TPX2: variants seen among roughly 807,000 people sequenced by gnomAD.
TPX2 encodes targeting protein for Xklp2.
TPX2 carries 21 observed loss-of-function variants against 93.6 expected under a neutral mutation model. That is an observed-to-expected ratio of 0.22 (90% CI 0.16 to 0.32). The LOEUF (loss-of-function observed/expected upper bound fraction) is 0.32. Ranked by LOEUF, TPX2 falls within the 10% of genes least tolerant of loss-of-function variation. TPX2 has a pLI of 1.00. For synonymous variants in TPX2, 281 were observed against 298.3 expected (o/e 0.94, Z 0.60); for missense variants, 776 against 871.1 (o/e 0.89, Z 1.37).
At chr20:31,785,618 C>T (rs950934325) in intron 12 of TPX2, among the ~76,000 whole-genome samples, 1 of 152,114 alleles carries the variant, frequency 6.6e-6, no homozygotes, top group Non-Finnish European at 1.5e-5. Context: ...CCACCTTAGC[C>T]TCCCGAGTAG....
At chr20:31,778,714 A>C (rs1600382060) in intron 9 of TPX2, 99 bp from the exon 10 acceptor site, 6 of 1,111,782 alleles carry the variant, frequency 5.4e-6, no homozygotes, top group Non-Finnish European at 7.6e-6. Flanking sequence ...GGTTTTACAC[A>C]GGCCTTTTTT....
chr20:31,767,093 C>T (rs1029849185), intron 5 of TPX2, among the ~76,000 whole-genome samples: 30 of 152,004 alleles, frequency 2.0e-4, no homozygotes, highest in African/African-American at 5.6e-4. Flanking sequence ...TGAGCTACTG[C>T]GCCCAGCTAT....
chr20:31,753,814 T>G (rs914556192), intron 2 of TPX2, among the ~76,000 whole-genome samples: 7 of 152,010 alleles, frequency 4.6e-5, no homozygotes, highest in Non-Finnish European at 1.0e-4. Context: ...TCACCTGAGG[T>G]CAGGAGTTCA....
In TPX2 at chr20:31,770,395, C is replaced by G; in HGVS notation, c.409C>G (p.His137Asp). 1 of 1,606,140 alleles carries G rather than the reference C, an allele frequency of 6.2e-7. No individual in the cohort carries two copies. The highest frequency in any genetic ancestry group is 1.1e-5 in the South Asian group (1 of 89,740). ...GGATTTGGAACAGAAAGAAAAGCAT[C>G]ATGTAAAAATGAAAGCCAAGAGATG... Reference protein sequence around the residue: ...QKDLEQKEKHHVKMKAKRCAT... With the variant: ...QKDLEQKEKHDVKMKAKRCAT... Residue 137 changes from histidine to aspartate, a missense_variant, in exon 6 of 18, where the codon CAT (histidine) becomes GAT (aspartate). Physicochemically the swap from His to Asp is moderately conservative, Grantham distance 81 (BLOSUM62 -1). Around this residue, in one of 3 missense-constraint regions of TPX2, gnomAD observed 279 missense variants for 261.6 expected, o/e 1.07. Transcript: ENST00000300403.
In TPX2 at chr20:31,739,552, G is replaced by A. The variant is rs931305230; in HGVS notation, c.-247G>A. The A allele has an allele frequency of 2.6e-5, 4 of 152,274 alleles. No individual in the cohort carries two copies. Among genetic ancestry groups the A allele is most frequent in the African/African-American group, 9.6e-5 (4 of 41,464 alleles). The allele number at this position is 152,274 out of a possible 1,614,324, so 9.4% of individuals were successfully genotyped here. ...CGGGCCACGCTTCTCTTGGCGACAGGATTTTGCTGTGAAGTCCGTCCGGGA... is the reference window on the plus strand; with the variant it reads ...CGGGCCACGCTTCTCTTGGCGACAGAATTTTGCTGTGAAGTCCGTCCGGGA... On this transcript the variant is annotated 5_prime_UTR_variant, in exon 1 of 18. Coordinates refer to ENST00000300403, the MANE Select transcript of TPX2 (RefSeq NM_012112.5).
chr20:31,777,262 T>A (rs1040687896), intron 8 of TPX2, among the ~76,000 whole-genome samples: 1 of 152,240 alleles, frequency 6.6e-6, no homozygotes, highest in Non-Finnish European at 1.5e-5. Flanking sequence ...TACTACTTTT[T>A]TTTAGTTTGC....
chr20:31,754,689 A>G (rs980049597), intron 2 of TPX2, among the ~76,000 whole-genome samples: 3 of 152,126 alleles, frequency 2.0e-5, no homozygotes, highest in African/African-American at 7.2e-5. Context: ...AGAATTATGG[A>G]TGTGTACAGA....
chr20:31,782,464 A>T, intron 11 of TPX2, 74 bp downstream of exon 11: 6 of 1,517,804 alleles, frequency 4.0e-6, no homozygotes, highest in Non-Finnish European at 5.3e-6. Context: ...TGTTAGGGTG[A>T]CAGTTGCTAT....
intron 5 of TPX2, 91 bp downstream of exon 5, chr20:31,766,773 G>A: frequency 2.4e-6 from 2 of 850,416 alleles, no homozygotes; most frequent in Non-Finnish European, 3.3e-6. Flanking sequence ...TCTATACTGT[G>A]TTTATGGACA....
In TPX2 at chr20:31,797,479, C is replaced by A; in HGVS notation, c.1909C>A (p.Pro637Thr). The change falls in exon 16 of 18, where the codon CCC becomes ACC. Residue 637 changes from proline to threonine, a missense_variant. Pro to Thr is a conservative substitution (Grantham distance 38, BLOSUM62 -1). This residue lies in a region of TPX2 where 461 missense variants were observed against 551.2 expected (regional missense o/e 0.84). Transcript: ENST00000300403. ...ARPNTVISQE[P>T]FVPKKEKKSV... ...TCCAAACACCGTCATCTCTCAGGAG[C>A]CCTTTGTTCCCAAGAAAGAGAAGAA... 1 of 1,614,008 alleles carries A rather than the reference C, an allele frequency of 6.2e-7. No individual in the cohort carries two copies. Among genetic ancestry groups the A allele is most frequent in the Non-Finnish European group, 8.5e-7 (1 of 1,179,948 alleles).
chr20:31,776,123 G>C lies in TPX2; in HGVS notation c.730+135G>C, dbSNP rs921982308. On this transcript the variant is annotated intron_variant, in intron 8 of 17. Transcript: ENST00000300403. ...GAGTCTCGCTCTGTCGCCCAGGCCGGACTGCGGACTGCAGTGGCGCAATCT... is the reference window on the plus strand; with the variant it reads ...GAGTCTCGCTCTGTCGCCCAGGCCGCACTGCGGACTGCAGTGGCGCAATCT... 1,122 of 888,504 alleles carry C rather than the reference G, an allele frequency of 1.3e-3. 1 individual carries two copies. Among genetic ancestry groups the C allele is most frequent in the Non-Finnish European group, 1.5e-3 (1,045 of 713,930 alleles). 55.0% of individuals were successfully genotyped at this position (888,504 alleles called of 1,614,324 possible).
At chr20:31,764,373 T>G (rs1347925627) in intron 4 of TPX2, among the ~76,000 whole-genome samples, 1 of 152,112 alleles carries the variant, frequency 6.6e-6, no homozygotes, top group Non-Finnish European at 1.5e-5. Context: ...TTTGCCATGT[T>G]GCCTAGGCTG....
intron 2 of TPX2, among the ~76,000 whole-genome samples, chr20:31,751,575 G>A (rs1001551337): frequency 1.3e-5 from 2 of 152,278 alleles, no homozygotes; most frequent in Admixed American, 1.3e-4. Context: ...CATAGCACTT[G>A]AAGTAGCTTC....
intron 10 of TPX2, among the ~76,000 whole-genome samples, chr20:31,779,748 G>A (rs1034449673): frequency 1.3e-5 from 2 of 152,184 alleles, no homozygotes; most frequent in African/African-American, 4.8e-5. Flanking sequence ...TCCCTGAGCA[G>A]GCAGGTATTG....
chr20:31,789,934 T>G (rs577401160), intron 12 of TPX2, among the ~76,000 whole-genome samples: 4 of 152,326 alleles, frequency 2.6e-5, no homozygotes, highest in South Asian at 4.1e-4. Flanking sequence ...CTTATTTCAA[T>G]TACTTTATTT....
rs564156943 is a variant in TPX2, at chr20:31,743,120, A to G, written c.-71+473A>G. On this transcript the variant is annotated intron_variant, in intron 2 of 17. Transcript: ENST00000300403. ...TCTCAGCTACTTGGGAGACTGAGGCAGGAGAATCCCTTGAACCCGGGAGGC... is the reference window on the plus strand; with the variant it reads ...TCTCAGCTACTTGGGAGACTGAGGCGGGAGAATCCCTTGAACCCGGGAGGC... Among the ~76,000 whole-genome samples, 10 of 152,310 alleles carry G rather than the reference A, an allele frequency of 6.6e-5. No individual in the cohort carries two copies. The South Asian group carries it at 1.2e-3, about 19-fold the overall frequency.
Position 31,777,520 on chromosome 20 carries a change from C to T in TPX2, c.764C>T (p.Thr255Ile). The T allele has an allele frequency of 6.2e-7, 1 of 1,614,060 alleles. No individual in the cohort carries two copies. Among genetic ancestry groups the T allele is most frequent in the South Asian group, 1.1e-5 (1 of 91,054 alleles). Residue 255 changes from threonine to isoleucine, a missense_variant, in exon 9 of 18, where the codon ACC becomes ATC. This residue lies in a region of TPX2 where 279 missense variants were observed against 261.6 expected (regional missense o/e 1.07). Coordinates refer to ENST00000300403, the MANE Select transcript of TPX2 (RefSeq NM_012112.5). ...GTGAAGAAATCAGTGAGCCAGGTCA[C>T]CAAATCAGTTGACTTCCACTTCCGC... ...QPVKKSVSQV[T>I]KSVDFHFRTD...
chr20:31,784,507 T>G (rs2062053294), intron 12 of TPX2, among the ~76,000 whole-genome samples: 1 of 152,214 alleles, frequency 6.6e-6, no homozygotes, highest in Non-Finnish European at 1.5e-5. Context: ...ACAGAGTCTG[T>G]GATCCTAATA....
chr20:31,759,916 T>C (rs2061878082), intron 3 of TPX2, 141 bp from the exon 4 acceptor site: 1 of 1,119,890 alleles, frequency 8.9e-7, no homozygotes, highest in Non-Finnish European at 1.2e-6. Context: ...CTTTTTCTTT[T>C]GATTGCTAGA....
Sources: gnomAD v4.1 joint callset for allele counts (sites outside exome capture counted in the v4.1 genomes callset) on GRCh38, gnomAD v4.1.1 for gene constraint, gnomAD v4.1.1 regional missense constraint, MANE v1.5 for transcripts, NCBI Gene and HGNC (gene_info 2026-07-23, HGNC 2026-07-21) for gene names.